Variants in L2HGDH observed in about 807,000 individuals in gnomAD.
L2HGDH encodes the protein L-2-hydroxyglutarate dehydrogenase, also known as L-2-hydroxyglutarate dehydrogenase, mitochondrial.
L2HGDH carries 34 observed loss-of-function variants against 51.5 expected under a neutral mutation model. The ratio of observed to expected loss-of-function variants is 0.66; its 90% confidence interval spans 0.50 to 0.88. The LOEUF is 0.88. Ranked by LOEUF, L2HGDH falls within the 40% of genes least tolerant of loss-of-function variation. The pLI is 0.00. For missense variants in L2HGDH, 558 were observed against 571.9 expected, an observed-to-expected ratio of 0.98 and a Z score of 0.25; for synonymous variants, 198 against 197.9, an observed-to-expected ratio of 1.00 and a Z score of -0.01.
intron 9 of L2HGDH, among the ~76,000 whole-genome samples, chr14:50,252,864 T>C (rs943449508): frequency 6.6e-6 from 1 of 152,082 alleles, no homozygotes; most frequent in Admixed American, 6.6e-5. Flanking sequence ...ACTTTCAGTA[T>C]TGGATAGATC....
chr14:50,292,896 C>T (rs963641606), intron 4 of L2HGDH, among the ~76,000 whole-genome samples: 1 of 149,532 alleles, frequency 6.7e-6, no homozygotes, highest in Non-Finnish European at 1.5e-5. Flanking sequence ...AAAAAAAAAA[C>T]AAAACTACTA....
In L2HGDH at chr14:50,312,198, C is replaced by T. The variant is rs750512269; in HGVS notation, c.-48G>A. 12 of 1,601,252 alleles carry T rather than the reference C, an allele frequency of 7.5e-6. No individual in the cohort carries two copies. The East Asian group carries it at 2.5e-4, about 33-fold the overall frequency. Reference sequence around the variant, plus strand: ...TCAGCGCTCAGAAGAAGCCACTTGACCCTCCACGGCCGAGGACCCGCGCTC... The same window carrying T: ...TCAGCGCTCAGAAGAAGCCACTTGATCCTCCACGGCCGAGGACCCGCGCTC... On this transcript the variant is annotated 5_prime_UTR_variant, in exon 1 of 10. Transcript: ENST00000267436.
chr14:50,270,806 A>C (rs371210939), intron 6 of L2HGDH, among the ~76,000 whole-genome samples: 2 of 152,148 alleles, frequency 1.3e-5, no homozygotes, highest in South Asian at 2.1e-4. Context: ...GCGCCCGGCC[A>C]GGCCTTACTG....
At chr14:50,297,398 T>C (rs748804747) in intron 3 of L2HGDH, among the ~76,000 whole-genome samples, 3 of 151,564 alleles carry the variant, frequency 2.0e-5, no homozygotes, top group Non-Finnish European at 2.9e-5. Flanking sequence ...ACACACACAA[T>C]TAGAACAAAA....
intron 3 of L2HGDH, among the ~76,000 whole-genome samples, chr14:50,301,121 T>C (rs1482006984): frequency 6.6e-6 from 1 of 152,186 alleles, no homozygotes; most frequent in Non-Finnish European, 1.5e-5. Context: ...ACTAGGGAAC[T>C]GCAAATCAAA....
At chr14:50,298,908 CA>C (rs1299562773) in intron 3 of L2HGDH, among the ~76,000 whole-genome samples, 2 of 152,048 alleles carry the variant, frequency 1.3e-5, no homozygotes, top group East Asian at 3.8e-4. Context: ...TATAATCTAA[CA>C]ATGCATCTTA....
intron 3 of L2HGDH, among the ~76,000 whole-genome samples, chr14:50,296,917 A>G (rs1262657654): frequency 6.6e-6 from 1 of 152,252 alleles, no homozygotes; most frequent in Non-Finnish European, 1.5e-5. Flanking sequence ...AGAGGATTTT[A>G]CACCATGACC....
At chr14:50,301,697 G>A (rs562714299) in intron 3 of L2HGDH, among the ~76,000 whole-genome samples, 24 of 152,272 alleles carry the variant, frequency 1.6e-4, no homozygotes, top group Admixed American at 3.9e-4. Context: ...CTGCTAATGG[G>A]TATGGGGTGT....
intron 4 of L2HGDH, among the ~76,000 whole-genome samples, chr14:50,292,460 A>G (rs1449067095): frequency 6.6e-6 from 1 of 152,242 alleles, no homozygotes; most frequent in Non-Finnish European, 1.5e-5. Flanking sequence ...TAATCCCAGA[A>G]CTTTGGGAGG....
Position 50,247,205 on chromosome 14 carries a change from C to G in L2HGDH, c.1245G>C (p.Leu415=). The stretch of plus-strand genomic sequence containing the variant: ...CTGCATCAAATACAAAATCTTCTAC[C>G]AGATTTCCATCTCTATCCAGGGCCT... ...RAQALDRDGN[L]VEDFVFDAGV... The change falls in exon 10 of 10, where the codon CTG becomes CTC. Residue 415 remains leucine (L), a synonymous_variant. Coordinates refer to ENST00000267436, the MANE Select transcript of L2HGDH (RefSeq NM_024884.3). 1 of 1,614,122 alleles carries G rather than the reference C, an allele frequency of 6.2e-7. No individual in the cohort carries two copies. Among genetic ancestry groups the G allele is most frequent in the Non-Finnish European group, 8.5e-7 (1 of 1,180,006 alleles).
At chr14:50,301,931 A>T in intron 3 of L2HGDH, 86 bp downstream of exon 3, 1 of 1,378,102 alleles carries the variant, frequency 7.3e-7, no homozygotes, top group South Asian at 1.2e-5. Flanking sequence ...ACAAAGAAAA[A>T]AATACATTTT....
chr14:50,292,312 A>AT (rs1246808642), intron 4 of L2HGDH, among the ~76,000 whole-genome samples: 2 of 152,232 alleles, frequency 1.3e-5, no homozygotes, highest in Non-Finnish European at 1.5e-5. Flanking sequence ...AGTTTAGCAA[A>AT]TTAACTCCAA....
chr14:50,268,580 TTC>T (rs1184262812), intron 7 of L2HGDH, among the ~76,000 whole-genome samples: 2 of 152,148 alleles, frequency 1.3e-5, no homozygotes, highest in Non-Finnish European at 1.5e-5. Context: ...TAGCACAGGC[TTC>T]TGCAAAGTAC....
At chr14:50,287,471 T>C (rs113461450) in intron 4 of L2HGDH, 2 of 213,740 alleles carry the variant, frequency 9.4e-6, no homozygotes, top group African/African-American at 4.7e-5. Flanking sequence ...GCAGCTCAGA[T>C]GTACTTTTTT....
intron 4 of L2HGDH, among the ~76,000 whole-genome samples, chr14:50,286,581 G>A (rs1431237069): frequency 6.6e-6 from 1 of 152,098 alleles, no homozygotes; most frequent in Non-Finnish European, 1.5e-5. Flanking sequence ...TGGTAAGGTT[G>A]GCAGGGAAGG....
At position 50,246,816 on chromosome 14, in the gene L2HGDH, C is replaced by A. The variant is rs951279425; in HGVS notation, c.*242G>T. ...AGCTCTCAGCTCACCTCCGTCTGCT[C>A]GGTTCAATTGATTCTCCTGCCTCAG... On this transcript the variant is annotated 3_prime_UTR_variant, in exon 10 of 10. Coordinates refer to ENST00000267436, the MANE Select transcript of L2HGDH (RefSeq NM_024884.3). The A allele has an allele frequency of 2.9e-5, 15 of 508,650 alleles. No individual in the cohort carries two copies. Among genetic ancestry groups the A allele is most frequent in the Non-Finnish European group, 4.6e-5 (14 of 302,544 alleles). The allele number at this position is 508,650 out of a possible 1,614,324, so 31.5% of individuals were successfully genotyped here.
At chr14:50,252,458 G>T (rs944108155) in intron 9 of L2HGDH, among the ~76,000 whole-genome samples, 1 of 151,462 alleles carries the variant, frequency 6.6e-6, no homozygotes, top group Non-Finnish European at 1.5e-5. Flanking sequence ...ATAGACTAAA[G>T]TCTGCAGTCA....
In L2HGDH at chr14:50,303,919, T is replaced by C. The variant is rs2030578059; in HGVS notation, c.141-902A>G. Among the ~76,000 whole-genome samples the C allele has an allele frequency of 2.0e-5, 3 of 151,512 alleles. No individual in the cohort carries two copies. In the South Asian group the frequency reaches 6.3e-4, roughly 32 times the overall value. On this transcript the variant is annotated intron_variant, in intron 1 of 9. Transcript: ENST00000267436. Reference sequence around the variant, plus strand: ...AGCTGGTTGCCCAATCTGCTCTTTATCTCCATAGCACGGCAGCCAGGCTGG... The same window carrying C: ...AGCTGGTTGCCCAATCTGCTCTTTACCTCCATAGCACGGCAGCCAGGCTGG...
intron 4 of L2HGDH, among the ~76,000 whole-genome samples, chr14:50,292,729 A>G (rs573475318): frequency 2.0e-5 from 3 of 151,976 alleles, no homozygotes; most frequent in Admixed American, 6.6e-5. Context: ...AAATAAAAAT[A>G]CAAAAGTTAG....
Sources: allele counts gnomAD v4.1 joint callset (sites outside exome capture counted in the v4.1 genomes callset), GRCh38; gene constraint gnomAD v4.1.1; transcripts MANE v1.5; gene names NCBI Gene and HGNC (gene_info 2026-07-23, HGNC 2026-07-21).